ZAP70: variants seen among roughly 807,000 people sequenced by gnomAD.
The protein encoded by ZAP70 is zeta chain of T cell receptor associated protein kinase 70, also known as tyrosine-protein kinase ZAP-70.
Under a neutral mutation model 65.8 loss-of-function variants are expected in ZAP70, and 27 were observed. The observed-to-expected ratio is 0.41, with a 90% CI of 0.30 to 0.57. The LOEUF (loss-of-function observed/expected upper bound fraction) is 0.57. Among genes scored for constraint, ZAP70 ranks in the 20% least tolerant of loss-of-function variants. ZAP70 has a pLI of 0.28. For missense variants in ZAP70, 696 were observed against 870.5 expected (o/e 0.80, Z 2.52); for synonymous variants, 363 against 360.8 (o/e 1.01, Z -0.07).
intron 3 of ZAP70, chr2:97,724,740 A>G: frequency 6.6e-7 from 1 of 1,505,540 alleles, no homozygotes; most frequent in South Asian, 1.2e-5. Flanking sequence ...GGCGGGGCTG[A>G]GAGGAGGGTG....
Position 97,739,358 on chromosome 2 carries a change from T to A in ZAP70, c.1737-17T>A. 1 of 1,612,912 alleles carries A rather than the reference T, an allele frequency of 6.2e-7. No homozygotes were observed. Among genetic ancestry groups the A allele is most frequent in the Non-Finnish European group, 8.5e-7 (1 of 1,179,526 alleles). The stretch of plus-strand genomic sequence containing the variant: ...GGGGGCGTGGTCAGCAGCCTGGATG[T>A]ACCCCACGCCCCACAGGTGGGAGGA... On this transcript the variant is annotated splice_polypyrimidine_tract_variant and intron_variant, in intron 13 of 13. Coordinates refer to ENST00000264972, the MANE Select transcript of ZAP70 (RefSeq NM_001079.4).
At position 97,718,121 on chromosome 2, in the gene ZAP70, C is replaced by T. The variant is rs556076798; in HGVS notation, c.-22+4127C>T. Among the ~76,000 whole-genome samples, 7 of 152,264 alleles carry T rather than the reference C, an allele frequency of 4.6e-5. No homozygotes were observed. In the South Asian group the frequency reaches 1.0e-3, roughly 23 times the overall value. ...AACAGGCTCACTGGGGACTGAGGGA[C>T]GCGGCTCCTAACCCAAGTCCTGTCC... is the stretch of plus-strand genomic sequence containing the variant. On this transcript the variant is annotated intron_variant, in intron 2 of 13. Coordinates refer to ENST00000264972, the MANE Select transcript of ZAP70 (RefSeq NM_001079.4).
chr2:97,754,008 C>T, the ZAP70 span, among the ~76,000 whole-genome samples: 1 of 152,008 alleles, frequency 6.6e-6, no homozygotes, highest in African/African-American at 2.4e-5. Context: ...TAAAGACATC[C>T]ACTATCATTT....
chr2:97,724,299 C>T lies in ZAP70; in HGVS notation c.263C>T (p.Ser88Leu), dbSNP rs1054793684. The T allele has an allele frequency of 1.3e-6, 2 of 1,592,000 alleles. No homozygotes were observed. Among genetic ancestry groups the T allele is most frequent in the Non-Finnish European group, 1.7e-6 (2 of 1,170,986 alleles). ...CGPAELCEFY[S>L]RDPDGLPCNL... ...CCGGCAGAGCTCTGCGAGTTCTACT[C>T]GCGCGACCCCGACGGGCTGCCCTGC... Residue 88 changes from serine to leucine, a missense_variant, in exon 3 of 14, where the codon TCG becomes TTG. By Grantham distance (145) the Ser-to-Leu change is moderately radical. Coordinates refer to ENST00000264972, the MANE Select transcript of ZAP70 (RefSeq NM_001079.4).
At chr2:97,717,208 G>T (rs189207877) in intron 2 of ZAP70, among the ~76,000 whole-genome samples, 5 of 152,090 alleles carry the variant, frequency 3.3e-5, no homozygotes, top group Admixed American at 3.3e-4. Context: ...GAGGACTAGG[G>T]GTTCAGAGAG....
At position 97,715,307 on chromosome 2, in the gene ZAP70, C is replaced by T. The variant is rs761903975; in HGVS notation, c.-22+1313C>T. 2.0e-5 allele frequency among the ~76,000 whole-genome samples: 3 copies of T among 152,228 alleles called. No individual in the cohort carries two copies. Among genetic ancestry groups the T allele is most frequent in the African/African-American group, 7.2e-5 (3 of 41,452 alleles). ...GTTGTGACCCAGCGGGTGTTACTGGCATCCAGCATGTCCAGGACAGGAATC... is the reference window on the plus strand; with the variant it reads ...GTTGTGACCCAGCGGGTGTTACTGGTATCCAGCATGTCCAGGACAGGAATC... On this transcript the variant is annotated intron_variant, in intron 2 of 13. Coordinates refer to ENST00000264972, the MANE Select transcript of ZAP70 (RefSeq NM_001079.4). The surrounding 1 kb of genome is among the most constrained non-coding windows in gnomAD (Gnocchi z 4.1).
rs371359430 is a variant in ZAP70 at position 97,739,470 on chromosome 2, C to T, written c.1832C>T (p.Thr611Ile). The T allele has an allele frequency of 1.9e-5, 31 of 1,613,418 alleles. 1 individual carries two copies. Among genetic ancestry groups the T allele is most frequent in the Middle Eastern group, 1.6e-4 (1 of 6,066 alleles). The change falls in exon 14 of 14, where the codon ACA (threonine) becomes ATA (isoleucine). Residue 611 changes from threonine (T) to isoleucine (I), a missense_variant. This residue lies in a region of ZAP70 where 78 missense variants were observed against 88.6 expected (regional missense o/e 0.88). Coordinates refer to ENST00000264972, the MANE Select transcript of ZAP70 (RefSeq NM_001079.4). Reference protein sequence around the residue: ...ASKVEGPPGSTQKAEAACA With the variant: ...ASKVEGPPGSIQKAEAACA ...AAGGTGGAAGGGCCCCCAGGCAGCA[C>T]ACAGAAGGCTGAGGCTGCCTGTGCC...
rs1677953034 is a variant in ZAP70, at chr2:97,737,633, A to T, written c.1450A>T (p.Lys484Ter). 12 of 1,614,082 alleles carry T rather than the reference A, an allele frequency of 7.4e-6. No homozygotes were observed. The highest frequency in any genetic ancestry group is 1.0e-5 in the Non-Finnish European group (12 of 1,179,992). The change falls in exon 11 of 14, where the codon AAA (lysine) becomes TAA (stop). Residue 484 changes from lysine (K) to a stop codon, truncating the protein, a stop_gained. Coordinates refer to ENST00000264972, the MANE Select transcript of ZAP70 (RefSeq NM_001079.4). LOFTEE classifies it high-confidence loss of function. The surrounding 1 kb of genome is among the most constrained non-coding windows in gnomAD (Gnocchi z 5.0). ...YAKISDFGLS[K>*]ALGADDSYYT... ...CAAGATCAGCGACTTTGGCCTCTCC[A>T]AAGCACTGGGTGCCGACGACAGCTA...
intron 3 of ZAP70, chr2:97,724,727 G>A (rs1348175506): frequency 1.3e-6 from 2 of 1,510,944 alleles, no homozygotes; most frequent in Non-Finnish European, 1.8e-6. Context: ...GGCTTGGAAT[G>A]GGGGCGGGGC....
intron 10 of ZAP70, 126 bp downstream of exon 10, chr2:97,735,582 C>G (rs1039754768): frequency 1.3e-5 from 15 of 1,135,264 alleles, no homozygotes; most frequent in Middle Eastern, 3.0e-4. Flanking sequence ...CGTGGACACA[C>G]TCTCAGCCTG....
At chr2:97,742,906 A>G (rs1678164740), downstream of ZAP70, among the ~76,000 whole-genome samples, 1 of 152,190 alleles carries the variant, frequency 6.6e-6, no homozygotes, top group Non-Finnish European at 1.5e-5. Context: ...TTCATTTAAC[A>G]AACTCCTCTG....
intron 13 of ZAP70, among the ~76,000 whole-genome samples, chr2:97,738,911 T>C (rs1678023895): frequency 6.6e-6 from 1 of 152,130 alleles, no homozygotes; most frequent in African/African-American, 2.4e-5. Flanking sequence ...GTACCGTTAA[T>C]ACTGCCGCTC....
chr2:97,732,983 T>C lies in ZAP70; in HGVS notation c.664T>C (p.Cys222Arg). 1 of 1,614,132 alleles carries C rather than the reference T, an allele frequency of 6.2e-7. No individual in the cohort carries two copies. The highest frequency in any genetic ancestry group is 8.5e-7 in the Non-Finnish European group (1 of 1,180,032). Residue 222 changes from cysteine (C) to arginine (R), a missense_variant, in exon 5 of 14, where the codon TGC becomes CGC. This residue lies in a region of ZAP70 where 551 missense variants were observed against 630.0 expected (regional missense o/e 0.87). Coordinates refer to ENST00000264972, the MANE Select transcript of ZAP70 (RefSeq NM_001079.4). ...CAGCCAAGACAAGGCGGGCAAGTAC[T>C]GCATTCCCGAGGGCACCAAGTTTGA... ...LISQDKAGKY[C>R]IPEGTKFDTL...
intron 2 of ZAP70, 78 bp from the exon 3 acceptor site, chr2:97,723,938 C>G: frequency 6.7e-7 from 1 of 1,490,012 alleles, no homozygotes; most frequent in Non-Finnish European, 9.0e-7. Context: ...CACTTGGCGT[C>G]TCTCGCGCCG....
chr2:97,738,419 A>C, intron 13 of ZAP70: 3 of 428,258 alleles, frequency 7.0e-6, no homozygotes, highest in East Asian at 4.9e-5. Context: ...TACTCAACCT[A>C]TGACACTGAC....
intron 2 of ZAP70, among the ~76,000 whole-genome samples, chr2:97,718,530 G>A (rs1211248711): frequency 1.3e-5 from 2 of 152,118 alleles, no homozygotes; most frequent in African/African-American, 4.8e-5. Flanking sequence ...TGTGTGTGTG[G>A]GGTGGTGCTT....
At chr2:97,719,159 G>C (rs1677063039) in intron 2 of ZAP70, among the ~76,000 whole-genome samples, 1 of 152,178 alleles carries the variant, frequency 6.6e-6, no homozygotes, top group African/African-American at 2.4e-5. Context: ...GGTTCAGCCA[G>C]CCACAGGCAG....
chr2:97,752,577 T>C, the ZAP70 span, among the ~76,000 whole-genome samples: 3 of 152,246 alleles, frequency 2.0e-5, no homozygotes, highest in African/African-American at 4.8e-5. Flanking sequence ...TTTAGCACAG[T>C]GGTCAGCCCA....
rs1676871326 is a variant in ZAP70, at chr2:97,715,475, CTG to C, written c.-22+1482_-22+1483del. Reference sequence around the variant, plus strand: ...AGGCCCAGAGAGGGACCGCTGCTTGCTGAGGTCACACAGGCAGTGGAGGCCGG... The same window carrying C: ...AGGCCCAGAGAGGGACCGCTGCTTGCAGGTCACACAGGCAGTGGAGGCCGG... On this transcript the variant is annotated intron_variant, in intron 2 of 13. Transcript: ENST00000264972. This position sits in a 1 kb window ranked among gnomAD's most constrained non-coding sequence, Gnocchi z 4.1. Among the ~76,000 whole-genome samples, 1 of 152,214 alleles carries C rather than the reference CTG, an allele frequency of 6.6e-6. No individual in the cohort carries two copies. The highest frequency in any genetic ancestry group is 6.5e-5 in the Admixed American group (1 of 15,282).
Sources: gnomAD v4.1 joint callset for allele counts (sites outside exome capture counted in the v4.1 genomes callset) on GRCh38, gnomAD v4.1.1 for gene constraint, gnomAD v4.1.1 regional missense constraint, Gnocchi (gnomAD v3.1) non-coding constraint, MANE v1.5 for transcripts, NCBI Gene and HGNC (gene_info 2026-07-23, HGNC 2026-07-21) for gene names.